Variants in STPG2 observed in about 807,000 individuals in gnomAD.
STPG2 encodes sperm tail PG-rich repeat containing 2, also known as sperm-tail PG-rich repeat-containing protein 2.
STPG2 carries 56 observed loss-of-function variants against 54.2 expected under a neutral mutation model. The ratio of observed to expected loss-of-function variants is 1.03; its 90% CI spans 0.83 to 1.29. STPG2 has a LOEUF of 1.29. Ranked by LOEUF, STPG2 falls within the 50% of genes most tolerant of loss-of-function variation. STPG2 has a pLI of 0.00. For synonymous variants in STPG2, 200 were observed against 181.8 expected, an observed-to-expected ratio of 1.10 and a Z score of -0.81; for missense variants, 596 against 544.9, an observed-to-expected ratio of 1.09 and a Z score of -0.93.
chr4:97,724,922 A>G (rs1455581742), intron 9 of STPG2, among the ~76,000 whole-genome samples: 1 of 152,154 alleles, frequency 6.6e-6, no homozygotes. Context: ...TTATTCAAGT[A>G]CTTCTTGAAA....
intron 6 of STPG2, among the ~76,000 whole-genome samples, chr4:97,979,419 GT>G (rs1734597769): frequency 6.6e-6 from 1 of 152,158 alleles, no homozygotes; most frequent in African/African-American, 2.4e-5. Flanking sequence ...TGGGCCTCCA[GT>G]TTTCCCTCTT....
intron 7 of STPG2, among the ~76,000 whole-genome samples, chr4:97,951,486 CTG>C (rs1479204841): frequency 6.6e-6 from 1 of 151,986 alleles, no homozygotes; most frequent in Non-Finnish European, 1.5e-5. Context: ...TTTTATTTGA[CTG>C]TGTTTTTTTT....
chr4:97,932,343 T>C (rs1252504564), intron 8 of STPG2, among the ~76,000 whole-genome samples: 2 of 152,180 alleles, frequency 1.3e-5, no homozygotes, highest in African/African-American at 2.4e-5. Context: ...GTTGTTAATT[T>C]GAGATTTTTC....
chr4:97,551,743 G>A (rs931353353), intron 4 of STPG2, among the ~76,000 whole-genome samples: 4 of 152,134 alleles, frequency 2.6e-5, no homozygotes, highest in African/African-American at 9.7e-5. Flanking sequence ...CATGTACATA[G>A]AAAAAATAAC....
intron 5 of STPG2, among the ~76,000 whole-genome samples, chr4:98,011,488 G>T (rs993028252): frequency 6.6e-6 from 1 of 152,166 alleles, no homozygotes; most frequent in Non-Finnish European, 1.5e-5. Context: ...TAATGGGATT[G>T]TTGGGTCAAA....
chr4:97,941,193 A>T (rs979246205), intron 8 of STPG2, among the ~76,000 whole-genome samples: 2 of 152,002 alleles, frequency 1.3e-5, no homozygotes, highest in Non-Finnish European at 2.9e-5. Context: ...TATATTTCTC[A>T]TCCCTTTGTG....
intron 5 of STPG2, among the ~76,000 whole-genome samples, chr4:97,998,961 G>T (rs933780606): frequency 6.6e-6 from 1 of 151,984 alleles, no homozygotes; most frequent in African/African-American, 2.4e-5. Flanking sequence ...AAACCCTACG[G>T]TCTTTGACTA....
At chr4:97,593,283 A>G (rs1040992605) in intron 10 of STPG2, among the ~76,000 whole-genome samples, 12 of 152,198 alleles carry the variant, frequency 7.9e-5, no homozygotes, top group Non-Finnish European at 1.5e-4. Flanking sequence ...CTACTTTGCC[A>G]GCAAGCACTT....
chr4:98,085,479 AT>A (rs1738477644), intron 5 of STPG2, among the ~76,000 whole-genome samples: 1 of 152,068 alleles, frequency 6.6e-6, no homozygotes, highest in Non-Finnish European at 1.5e-5. Flanking sequence ...TAATCTGGAA[AT>A]AACTGACATC....
chr4:97,571,706 A>C (rs7679936), intron 10 of STPG2, among the ~76,000 whole-genome samples: 85 of 152,228 alleles, frequency 5.6e-4, no homozygotes, highest in African/African-American at 2.0e-3. Context: ...TATTTGATAG[A>C]TGTATCATGC....
chr4:97,991,245 A>G (rs1476591184), intron 5 of STPG2, among the ~76,000 whole-genome samples: 1 of 151,468 alleles, frequency 6.6e-6, no homozygotes. Flanking sequence ...ATTCCTTTTT[A>G]TGGCTGAGTA....
chr4:97,901,716 GA>G (rs1288725118), intron 8 of STPG2, among the ~76,000 whole-genome samples: 6 of 151,640 alleles, frequency 4.0e-5, no homozygotes, highest in Admixed American at 3.9e-4. Flanking sequence ...TGAATGTAAA[GA>G]ATTAATACTG....
At chr4:98,072,828 C>T (rs1408579136) in intron 5 of STPG2, among the ~76,000 whole-genome samples, 5 of 152,238 alleles carry the variant, frequency 3.3e-5, no homozygotes, top group African/African-American at 1.2e-4. Flanking sequence ...GAGTAGCAAG[C>T]CAACCTAGCA....
chr4:97,452,621 G>A (rs1729406678), intron 4 of STPG2, among the ~76,000 whole-genome samples: 1 of 152,186 alleles, frequency 6.6e-6, no homozygotes, highest in Admixed American at 6.5e-5. Context: ...GACAGCAGGA[G>A]ACGTCAAGAT....
At chr4:97,795,765 G>A (rs191528826) in intron 9 of STPG2, among the ~76,000 whole-genome samples, 136 of 152,296 alleles carry the variant, frequency 8.9e-4, no homozygotes, top group African/African-American at 3.1e-3. Context: ...GATCCCTGAG[G>A]AATCGCCACA....
chr4:97,965,243 G>A (rs983944306), intron 7 of STPG2, among the ~76,000 whole-genome samples: 8 of 152,210 alleles, frequency 5.3e-5, no homozygotes, highest in Admixed American at 2.0e-4. Context: ...CACTGCTAGT[G>A]CAGAAATCTG....
chr4:97,943,617 C>G (rs1733077802), intron 8 of STPG2, among the ~76,000 whole-genome samples: 1 of 152,106 alleles, frequency 6.6e-6, no homozygotes, highest in African/African-American at 2.4e-5. Flanking sequence ...GCTCCATATA[C>G]AACACAGCAA....
At chr4:98,136,442 A>G (rs2110169932) in intron 1 of STPG2, among the ~76,000 whole-genome samples, 1 of 151,318 alleles carries the variant, frequency 6.6e-6, no homozygotes, top group Admixed American at 6.6e-5. Context: ...TAACACAAAG[A>G]CTATTTTATA....
At chr4:97,840,325 T>C (rs1032198975) in intron 9 of STPG2, among the ~76,000 whole-genome samples, 1 of 151,664 alleles carries the variant, frequency 6.6e-6, no homozygotes, top group East Asian at 1.9e-4. Context: ...AATGACTTTA[T>C]TAGCTTTAGT....
Sources: allele counts gnomAD v4.1 joint callset (sites outside exome capture counted in the v4.1 genomes callset), GRCh38; gene constraint gnomAD v4.1.1; transcripts MANE v1.5; gene names NCBI Gene and HGNC (gene_info 2026-07-23, HGNC 2026-07-21).